CDH12: variants seen among roughly 807,000 people sequenced by gnomAD.
The protein encoded by CDH12 is cadherin 12.
Under a neutral mutation model 74.1 loss-of-function variants are expected in CDH12, and 41 were observed. The observed-to-expected ratio is 0.55, with a 90% CI of 0.43 to 0.72. CDH12 has a LOEUF of 0.72. Among genes scored for constraint, CDH12 ranks in the 30% least tolerant of loss-of-function variants. CDH12 has a pLI of 0.00. For synonymous variants in CDH12, 399 were observed against 355.0 expected, an observed-to-expected ratio of 1.12 and a Z score of -1.39; for missense variants, 945 against 977.2, an observed-to-expected ratio of 0.97 and a Z score of 0.44.
At chr5:22,722,853 T>C (rs1743969316) in intron 1 of CDH12, among the ~76,000 whole-genome samples, 1 of 152,212 alleles carries the variant, frequency 6.6e-6, no homozygotes, top group African/African-American at 2.4e-5. Flanking sequence ...TTTCTGTCCA[T>C]ATGTGTTTAT....
chr5:22,361,845 A>C (rs1442601296), intron 3 of CDH12, among the ~76,000 whole-genome samples: 1 of 152,204 alleles, frequency 6.6e-6, no homozygotes, highest in Non-Finnish European at 1.5e-5. Flanking sequence ...TTCCCTATTT[A>C]ATAAATGGTG....
In CDH12 at chr5:22,773,807, T is replaced by C. The variant is rs527425820; in HGVS notation, c.-523+79251A>G. On this transcript the variant is annotated intron_variant, in intron 1 of 14. Transcript: ENST00000382254. ...TAAACAGTTCAATAAACAAAACATA[T>C]ATAACCCTATTAAAAATGAGAAAAA... 3.3e-5 allele frequency among the ~76,000 whole-genome samples: 5 copies of C among 151,830 alleles called. No individual in the cohort carries two copies. The East Asian group carries it at 9.7e-4, about 29-fold the overall frequency.
chr5:22,457,926 G>A (rs547739746), intron 2 of CDH12, among the ~76,000 whole-genome samples: 1 of 152,186 alleles, frequency 6.6e-6, no homozygotes, highest in South Asian at 2.1e-4. Flanking sequence ...TGTAATTTTA[G>A]TAAAGACGGG....
At chr5:22,554,399 T>C (rs748091917) in intron 1 of CDH12, among the ~76,000 whole-genome samples, 1 of 152,106 alleles carries the variant, frequency 6.6e-6, no homozygotes, top group East Asian at 1.9e-4. Context: ...AGGCTATGAA[T>C]GGGTAGGACA....
At chr5:22,314,092 C>T (rs1321575157) in intron 3 of CDH12, among the ~76,000 whole-genome samples, 1 of 152,072 alleles carries the variant, frequency 6.6e-6, no homozygotes, top group African/African-American at 2.4e-5. Context: ...GTGGCTTTTC[C>T]AGGTGATGTT....
chr5:22,829,711 T>C (rs1042903954), intron 1 of CDH12, among the ~76,000 whole-genome samples: 12 of 152,196 alleles, frequency 7.9e-5, no homozygotes, highest in African/African-American at 2.9e-4. Flanking sequence ...AAGTAGTCAT[T>C]GCCACTTATG....
At chr5:22,234,793 A>G (rs1354630951) in intron 3 of CDH12, among the ~76,000 whole-genome samples, 1 of 152,104 alleles carries the variant, frequency 6.6e-6, no homozygotes, top group East Asian at 1.9e-4. Context: ...CACTAAACTC[A>G]GATGCCCATA....
intron 1 of CDH12, among the ~76,000 whole-genome samples, chr5:22,646,945 G>A (rs192931077): frequency 7.9e-5 from 12 of 151,932 alleles, no homozygotes; most frequent in African/African-American, 2.9e-4. Context: ...TCACTTAGAA[G>A]TAAAGAAACT....
chr5:22,516,339 A>C (rs1332734692), intron 1 of CDH12, among the ~76,000 whole-genome samples: 1 of 152,228 alleles, frequency 6.6e-6, no homozygotes, highest in Non-Finnish European at 1.5e-5. Flanking sequence ...TGAAAGAAAT[A>C]AATGGCTCTA....
At chr5:21,806,621 G>A (rs575583974) in intron 9 of CDH12, among the ~76,000 whole-genome samples, 188 of 152,230 alleles carry the variant, frequency 1.2e-3, no homozygotes, top group African/African-American at 4.4e-3. Context: ...GTATATACAC[G>A]TTAAATAATT....
chr5:22,838,601 G>GA (rs1736936869), intron 1 of CDH12, among the ~76,000 whole-genome samples: 1 of 151,932 alleles, frequency 6.6e-6, no homozygotes, highest in Non-Finnish European at 1.5e-5. Context: ...GGCAAAGGGG[G>GA]ATTTACCTAA....
intron 1 of CDH12, among the ~76,000 whole-genome samples, chr5:22,610,240 A>G (rs1376846501): frequency 1.3e-5 from 2 of 152,188 alleles, no homozygotes; most frequent in Non-Finnish European, 2.9e-5. Flanking sequence ...GAAGGAGACT[A>G]GGTTCTTATA....
chr5:21,784,158 T>C (rs751716046), intron 10 of CDH12, among the ~76,000 whole-genome samples: 1 of 152,112 alleles, frequency 6.6e-6, no homozygotes, highest in Non-Finnish European at 1.5e-5. Flanking sequence ...TTGATAATAA[T>C]GGATGTTGCC....
At chr5:22,685,983 A>C (rs1037543589) in intron 1 of CDH12, among the ~76,000 whole-genome samples, 3 of 152,198 alleles carry the variant, frequency 2.0e-5, no homozygotes, top group African/African-American at 7.2e-5. Flanking sequence ...TACTTTCCAA[A>C]GCGGCAAGGT....
intron 4 of CDH12, among the ~76,000 whole-genome samples, chr5:22,187,087 T>C (rs1425850022): frequency 6.6e-6 from 1 of 152,118 alleles, no homozygotes; most frequent in African/African-American, 2.4e-5. Context: ...AGGAAACACA[T>C]ATACAAAGTT....
intron 2 of CDH12, among the ~76,000 whole-genome samples, chr5:22,504,600 C>T (rs1436892693): frequency 6.6e-6 from 1 of 152,028 alleles, no homozygotes; most frequent in Non-Finnish European, 1.5e-5. Flanking sequence ...AGGGTAGATT[C>T]TCCCATTACC....
At chr5:21,823,493 A>T (rs1748484696) in intron 8 of CDH12, among the ~76,000 whole-genome samples, 1 of 152,052 alleles carries the variant, frequency 6.6e-6, no homozygotes, top group South Asian at 2.1e-4. Context: ...ACTCTTGATG[A>T]TGATAATTAT....
intron 5 of CDH12, among the ~76,000 whole-genome samples, chr5:21,996,159 T>C (rs570240633): frequency 1.0e-3 from 151 of 145,234 alleles, no homozygotes; most frequent in African/African-American, 3.6e-3. Context: ...GTGTAGACCA[T>C]GTCTTTCTCG....
intron 1 of CDH12, among the ~76,000 whole-genome samples, chr5:22,725,255 C>T (rs1044004412): frequency 9.9e-5 from 15 of 151,728 alleles, no homozygotes; most frequent in South Asian, 6.2e-4. Context: ...ATTATGTGAA[C>T]GTATTTCATC....
Sources: allele counts gnomAD v4.1 joint callset (sites outside exome capture counted in the v4.1 genomes callset), GRCh38; gene constraint gnomAD v4.1.1; transcripts MANE v1.5; gene names NCBI Gene and HGNC (gene_info 2026-07-23, HGNC 2026-07-21).